ICE2: variants seen among roughly 807,000 people sequenced by gnomAD.
ICE2 encodes the protein interactor of little elongation complex ELL subunit 2.
Under a neutral mutation model 105.4 loss-of-function variants are expected in ICE2, and 87 were observed. The observed-to-expected ratio is 0.83, with a 90% CI of 0.69 to 0.99. ICE2 has a LOEUF of 0.99. Among genes scored for constraint, ICE2 ranks in the 50% least tolerant of loss-of-function variants. The probability of loss-of-function intolerance (pLI) is 0.00; values close to 1 mark genes in which losing one functional copy is unlikely to be tolerated. For missense variants in ICE2, 1,323 were observed against 1,146.7 expected (o/e 1.15, Z -2.22); for synonymous variants, 399 against 392.0 (o/e 1.02, Z -0.21).
chr15:60,454,291 A>G (rs1275840315), intron 8 of ICE2, among the ~76,000 whole-genome samples: 1 of 152,214 alleles, frequency 6.6e-6, no homozygotes, highest in African/African-American at 2.4e-5. Context: ...TTGTCAAAAG[A>G]AAGACTACCC....
intron 5 of ICE2, among the ~76,000 whole-genome samples, chr15:60,462,026 A>T (rs982014508): frequency 6.6e-6 from 1 of 152,198 alleles, no homozygotes; most frequent in African/African-American, 2.4e-5. Flanking sequence ...ATAACATTTT[A>T]AAAAAAGAAA....
intron 3 of ICE2, among the ~76,000 whole-genome samples, chr15:60,472,567 T>C (rs2064633118): frequency 6.6e-6 from 1 of 152,200 alleles, no homozygotes; most frequent in African/African-American, 2.4e-5. Context: ...AAAACAAGGA[T>C]ATTCTAAGAA....
chr15:60,460,029 G>T (rs1372415798), intron 5 of ICE2, among the ~76,000 whole-genome samples: 1 of 152,196 alleles, frequency 6.6e-6, no homozygotes, highest in Admixed American at 6.5e-5. Context: ...CAATCTAGCT[G>T]AACAGTTTTA....
At chr15:60,436,801 T>C (rs1368592733) in intron 12 of ICE2, among the ~76,000 whole-genome samples, 2 of 151,776 alleles carry the variant, frequency 1.3e-5, no homozygotes, top group Non-Finnish European at 2.9e-5. Context: ...ATTTATGTAT[T>C]ATCATAATAT....
At chr15:60,448,741 T>C (rs2063884154) in intron 10 of ICE2, 107 bp downstream of exon 10, 8 of 920,818 alleles carry the variant, frequency 8.7e-6, no homozygotes, top group Non-Finnish European at 1.3e-5. Flanking sequence ...TCAGTGACTA[T>C]ATGACAATTA....
Position 60,466,732 on chromosome 15 carries a change from G to T in ICE2, c.409-19C>A. 6.3e-7 allele frequency: 1 copy of T among 1,578,040 alleles called. No homozygotes were observed. Among genetic ancestry groups the T allele is most frequent in the Non-Finnish European group, 8.6e-7 (1 of 1,162,570 alleles). On this transcript the variant is annotated intron_variant, in intron 4 of 15. Transcript: ENST00000261520. ...TCATATCCTGATTTTTAAAAAAGTAGACATGTCTTGGGATAAAAAGTTTCA... is the reference window on the plus strand; with the variant it reads ...TCATATCCTGATTTTTAAAAAAGTATACATGTCTTGGGATAAAAAGTTTCA...
Position 60,422,507 on chromosome 15 carries a change from G to A in ICE2, c.*1127C>T, listed in dbSNP as rs2063252135. 6.6e-6 allele frequency: 1 copy of A among 152,020 alleles called. No individual in the cohort carries two copies. The highest frequency in any genetic ancestry group is 2.4e-5 in the African/African-American group (1 of 41,358). The allele number at this position is 152,020 out of a possible 1,614,324, so 9.4% of individuals were successfully genotyped here. ...TTTTCCAAATTCATCTGCAGGCCCG[G>A]AAAATTTAAATCAATCAGTATAGAT... On this transcript the variant is annotated 3_prime_UTR_variant, in exon 16 of 16. Transcript: ENST00000261520.
rs753768834 is a variant in ICE2 at position 60,428,520 on chromosome 15, T to C, written c.2729A>G (p.Asp910Gly). ...ATGATATGGTAATAACAGGCTGGGA[T>C]CTAATGGGACCCAGGGAACTGAGAG... ...SSLSVPWVPL[D>G]PSLLLPYHIH... The change falls in exon 15 of 16, where the codon GAT (aspartate) becomes GGT (glycine). Residue 910 changes from aspartate to glycine, a missense_variant. Coordinates refer to ENST00000261520, the MANE Select transcript of ICE2 (RefSeq NM_024611.6). 1.2e-6 allele frequency: 2 copies of C among 1,614,132 alleles called. No individual in the cohort carries two copies. Among genetic ancestry groups the C allele is most frequent in the Non-Finnish European group, 1.7e-6 (2 of 1,180,012 alleles).
chr15:60,472,333 A>C (rs935579283), intron 3 of ICE2, among the ~76,000 whole-genome samples: 11 of 152,164 alleles, frequency 7.2e-5, no homozygotes, highest in African/African-American at 2.4e-4. Context: ...TTGTTTTTCA[A>C]CAAGAAAACA....
chr15:60,427,351 A>G (rs535005525), intron 15 of ICE2, among the ~76,000 whole-genome samples: 2 of 151,536 alleles, frequency 1.3e-5, no homozygotes, highest in East Asian at 3.9e-4. Context: ...TTTTGGCAGT[A>G]AGTAAGGAAA....
chr15:60,446,647 G>T (rs1419754588), intron 11 of ICE2, among the ~76,000 whole-genome samples: 1 of 151,984 alleles, frequency 6.6e-6, no homozygotes, highest in Non-Finnish European at 1.5e-5. Context: ...TGCCCACCTC[G>T]GCCTCCCAAA....
chr15:60,453,369 C>T, intron 9 of ICE2: 1 of 1,306,568 alleles, frequency 7.7e-7, no homozygotes, highest in Non-Finnish European at 9.7e-7. Context: ...ACTTAACCCT[C>T]ATAATAACCT....
intron 1 of ICE2, 112 bp downstream of exon 1, chr15:60,478,891 G>C (rs182787432): frequency 8.9e-6 from 4 of 448,358 alleles, no homozygotes; most frequent in Admixed American, 7.1e-5. Context: ...AGGAGCAAAG[G>C]GTCCTGGCCC....
chr15:60,465,749 T>TC (rs1567005990), intron 5 of ICE2, among the ~76,000 whole-genome samples: 1 of 146,708 alleles, frequency 6.8e-6, no homozygotes, highest in African/African-American at 2.5e-5. Context: ...TATACTTTAT[T>TC]CTTTTTTTTT....
At chr15:60,473,651 A>C (rs2064673003) in intron 3 of ICE2, among the ~76,000 whole-genome samples, 1 of 152,168 alleles carries the variant, frequency 6.6e-6, no homozygotes, top group Non-Finnish European at 1.5e-5. Flanking sequence ...GGACAACAGA[A>C]TTTATAGGCA....
Position 60,436,125 on chromosome 15 carries a change from C to G in ICE2, c.2510+18G>C. ...TTAACAAATTTTTCAATTCTCACCA[C>G]AAAGTAAACTTTCTTACTTGAGTGC... is the stretch of plus-strand genomic sequence containing the variant. On this transcript the variant is annotated intron_variant, in intron 13 of 15. Coordinates refer to ENST00000261520, the MANE Select transcript of ICE2 (RefSeq NM_024611.6). 1 of 1,111,726 alleles carries G rather than the reference C, an allele frequency of 9.0e-7. No homozygotes were observed. Among genetic ancestry groups the G allele is most frequent in the Non-Finnish European group, 1.3e-6 (1 of 780,878 alleles). The allele number at this position is 1,111,726 out of a possible 1,614,324, so 68.9% of individuals were successfully genotyped here.
chr15:60,470,503 A>G (rs2064560497), intron 3 of ICE2, among the ~76,000 whole-genome samples: 1 of 152,216 alleles, frequency 6.6e-6, no homozygotes, highest in Non-Finnish European at 1.5e-5. Context: ...TGCCTGCAAT[A>G]TGCAGTACTA....
At chr15:60,459,525 T>C (rs572328990) in intron 5 of ICE2, among the ~76,000 whole-genome samples, 20 of 152,088 alleles carry the variant, frequency 1.3e-4, no homozygotes, top group East Asian at 1.2e-3. Flanking sequence ...CTAGAATACA[T>C]AGGTTTTCAG....
At chr15:60,435,516 T>C (rs2063565290) in intron 13 of ICE2, among the ~76,000 whole-genome samples, 1 of 150,422 alleles carries the variant, frequency 6.6e-6, no homozygotes, top group African/African-American at 2.5e-5. Context: ...GGAGAATCGC[T>C]TGAACCCAGG....
Sources: gnomAD v4.1 joint callset for allele counts (sites outside exome capture counted in the v4.1 genomes callset) on GRCh38, gnomAD v4.1.1 for gene constraint, MANE v1.5 for transcripts, NCBI Gene and HGNC (gene_info 2026-07-23, HGNC 2026-07-21) for gene names.